NEGR1: variants seen among roughly 807,000 people sequenced by gnomAD.
NEGR1 encodes neuronal growth regulator 1, also known as IgLON family member 4.
NEGR1 carries 10 observed loss-of-function variants against 40.9 expected under a neutral mutation model. That is an observed-to-expected ratio of 0.24 (90% CI 0.15 to 0.42). The LOEUF (loss-of-function observed/expected upper bound fraction) is 0.42, where lower values mean the gene tolerates loss of function less well. Ranked by LOEUF, NEGR1 falls within the 10% of genes least tolerant of loss-of-function variation. NEGR1 has a pLI of 1.00. For missense variants in NEGR1, 352 were observed against 438.9 expected (o/e 0.80, Z 1.77); for synonymous variants, 185 against 166.8 (o/e 1.11, Z -0.84).
intron 2 of NEGR1, among the ~76,000 whole-genome samples, chr1:71,929,641 G>A (rs1048463138): frequency 6.6e-6 from 1 of 151,146 alleles, no homozygotes; most frequent in Admixed American, 6.6e-5. Flanking sequence ...TTTTTGACTT[G>A]TTGAAAATTT....
chr1:71,876,739 T>C (rs912002342), intron 2 of NEGR1, among the ~76,000 whole-genome samples: 1 of 152,142 alleles, frequency 6.6e-6, no homozygotes, highest in African/African-American at 2.4e-5. Flanking sequence ...ATATGTAGCA[T>C]GTCAGGGAGT....
At chr1:71,417,824 G>C (rs752085113) in intron 6 of NEGR1, among the ~76,000 whole-genome samples, 22 of 152,116 alleles carry the variant, frequency 1.4e-4, no homozygotes, top group Non-Finnish European at 2.4e-4. Flanking sequence ...GTTTACACAA[G>C]AAGTACCAAT....
chr1:71,668,531 G>A (rs916009971), intron 4 of NEGR1, among the ~76,000 whole-genome samples: 18 of 152,080 alleles, frequency 1.2e-4, no homozygotes, highest in African/African-American at 4.3e-4. Context: ...AGAGAGAAAC[G>A]TCGTTAAAGC....
chr1:71,602,058 C>A (rs962982688), intron 5 of NEGR1, among the ~76,000 whole-genome samples: 8 of 152,040 alleles, frequency 5.3e-5, no homozygotes, highest in African/African-American at 1.9e-4. Flanking sequence ...TCCAATACTT[C>A]TGGAATCCAG....
At chr1:72,142,723 G>C (rs140656917) in intron 1 of NEGR1, among the ~76,000 whole-genome samples, 1 of 151,644 alleles carries the variant, frequency 6.6e-6, no homozygotes, top group East Asian at 1.9e-4. Flanking sequence ...TCAGTGGCTC[G>C]AATACTGAGG....
chr1:72,211,333 CCTTTATAAAGG>C (rs1653599844), intron 1 of NEGR1, among the ~76,000 whole-genome samples: 1 of 151,460 alleles, frequency 6.6e-6, no homozygotes. Flanking sequence ...CTTTATAAAG[CCTTTATAAAGG>C]CTTTTTTCTA....
At chr1:71,835,585 C>G (rs150818798) in intron 2 of NEGR1, among the ~76,000 whole-genome samples, 8 of 152,164 alleles carry the variant, frequency 5.3e-5, no homozygotes, top group Non-Finnish European at 1.0e-4. Context: ...CAAAATGACT[C>G]TAGTTATTTC....
At chr1:72,082,011 G>A (rs796204083) in intron 1 of NEGR1, among the ~76,000 whole-genome samples, 7 of 152,186 alleles carry the variant, frequency 4.6e-5, no homozygotes, top group African/African-American at 1.7e-4. Context: ...CTGTATACAT[G>A]GTGAAAGACA....
chr1:71,799,467 C>T (rs936378567), intron 2 of NEGR1, among the ~76,000 whole-genome samples: 1 of 152,112 alleles, frequency 6.6e-6, no homozygotes, highest in Non-Finnish European at 1.5e-5. Flanking sequence ...GGGTTGGTTC[C>T]AAGTCTTTGC....
At chr1:72,127,649 T>C (rs769353800) in intron 1 of NEGR1, among the ~76,000 whole-genome samples, 1 of 152,018 alleles carries the variant, frequency 6.6e-6, no homozygotes, top group Non-Finnish European at 1.5e-5. Context: ...CTTAAACATA[T>C]GTGTTTTATT....
At chr1:71,852,832 T>C (rs1659647902) in intron 2 of NEGR1, among the ~76,000 whole-genome samples, 1 of 147,452 alleles carries the variant, frequency 6.8e-6, no homozygotes, top group African/African-American at 2.5e-5. Context: ...TCCAAAGGAA[T>C]AATCAGAAGG....
intron 6 of NEGR1, among the ~76,000 whole-genome samples, chr1:71,432,278 T>C (rs1483553201): frequency 6.6e-6 from 1 of 152,206 alleles, no homozygotes; most frequent in Non-Finnish European, 1.5e-5. Context: ...ATAGAGCATG[T>C]ATATTAGCAA....
At chr1:71,923,982 C>T (rs1200476795) in intron 2 of NEGR1, among the ~76,000 whole-genome samples, 1 of 151,822 alleles carries the variant, frequency 6.6e-6, no homozygotes, top group African/African-American at 2.4e-5. Flanking sequence ...GATCACCACT[C>T]ACTGTAGCCT....
intron 3 of NEGR1, among the ~76,000 whole-genome samples, chr1:71,759,389 C>T (rs550693897): frequency 6.9e-6 from 1 of 145,824 alleles, no homozygotes; most frequent in South Asian, 2.2e-4. Flanking sequence ...CCTCCGCTTC[C>T]CGGGTTCAAG....
chr1:72,092,489 T>C (rs772488667), intron 1 of NEGR1, among the ~76,000 whole-genome samples: 1 of 152,164 alleles, frequency 6.6e-6, no homozygotes, highest in Non-Finnish European at 1.5e-5. Context: ...AAAAATCATG[T>C]TGCCCTGTGA....
chr1:72,165,556 G>A (rs1393588511), intron 1 of NEGR1, among the ~76,000 whole-genome samples: 2 of 151,956 alleles, frequency 1.3e-5, no homozygotes, highest in Non-Finnish European at 2.9e-5. Context: ...GCTTGCAGCA[G>A]GAAAAGAAGC....
chr1:71,966,576 T>G (rs7514339), intron 1 of NEGR1, among the ~76,000 whole-genome samples: 45,817 of 151,958 alleles, frequency 0.3, 7,792 homozygotes, highest in African/African-American at 0.47. Context: ...TTTCTAAGTG[T>G]TTTTTGCAAG....
At chr1:71,707,108 C>T (rs1241453826) in intron 3 of NEGR1, among the ~76,000 whole-genome samples, 1 of 142,300 alleles carries the variant, frequency 7.0e-6, no homozygotes, top group Non-Finnish European at 1.5e-5. Flanking sequence ...ATTGAGAGTG[C>T]TTGAGAAAAG....
intron 2 of NEGR1, among the ~76,000 whole-genome samples, chr1:71,899,012 ATATG>A (rs1331300181): frequency 8.0e-6 from 1 of 124,406 alleles, no homozygotes; most frequent in African/African-American, 2.9e-5. Context: ...ATATATATAT[ATATG>A]GCAACTAATG....
Sources: allele counts gnomAD v4.1 joint callset (sites outside exome capture counted in the v4.1 genomes callset), GRCh38; gene constraint gnomAD v4.1.1; transcripts MANE v1.5; gene names NCBI Gene and HGNC (gene_info 2026-07-23, HGNC 2026-07-21).